GALNT18: variants seen among roughly 807,000 people sequenced by gnomAD.
The protein encoded by GALNT18 is GalNAc-transferase 18.
Under a neutral mutation model 69.5 loss-of-function variants are expected in GALNT18, and 44 were observed. The ratio of observed to expected loss-of-function variants is 0.63; its 90% CI spans 0.50 to 0.81. The LOEUF is 0.81. GALNT18 is among the 40% of genes least tolerant of loss of function. The pLI is 0.00. For missense variants in GALNT18, 715 were observed against 810.0 expected (o/e 0.88, Z 1.42); for synonymous variants, 364 against 318.2 (o/e 1.14, Z -1.53).
chr11:11,351,594 G>C (rs1850403715), intron 6 of GALNT18, among the ~76,000 whole-genome samples: 1 of 152,162 alleles, frequency 6.6e-6, no homozygotes, highest in African/African-American at 2.4e-5. Context: ...CAAACTCAGA[G>C]ACAGAAGTAT....
In GALNT18 at chr11:11,540,999, C is replaced by T. The variant is rs1033487693; in HGVS notation, c.235+80360G>A. 6.6e-6 allele frequency among the ~76,000 whole-genome samples: 1 copy of T among 152,168 alleles called. No individual in the cohort carries two copies. The highest frequency in any genetic ancestry group is 1.9e-4 in the East Asian group (1 of 5,196). On this transcript the variant is annotated intron_variant, in intron 1 of 10. Coordinates refer to ENST00000227756, the MANE Select transcript of GALNT18 (RefSeq NM_198516.3). The surrounding 1 kb of genome is among the most constrained non-coding windows in gnomAD (Gnocchi z 4.6). ...CTCTTTTCTTTGATGGTGGATACTT[C>T]GGAAAACAGAAATAGAATTACTTAA...
At chr11:11,611,717 G>T (rs1859906318) in intron 1 of GALNT18, among the ~76,000 whole-genome samples, 1 of 152,202 alleles carries the variant, frequency 6.6e-6, no homozygotes, top group Admixed American at 6.5e-5. Flanking sequence ...TCAGCCCGGT[G>T]CCTGGGACAT....
chr11:11,405,854 C>T (rs1015945160), intron 3 of GALNT18, among the ~76,000 whole-genome samples: 1 of 152,166 alleles, frequency 6.6e-6, no homozygotes, highest in Non-Finnish European at 1.5e-5. Flanking sequence ...GTGATCCTTC[C>T]ATGCTATGCC....
intron 3 of GALNT18, among the ~76,000 whole-genome samples, chr11:11,398,767 G>A (rs971048139): frequency 1.3e-5 from 2 of 152,318 alleles, no homozygotes; most frequent in Non-Finnish European, 2.9e-5. Flanking sequence ...AGAGGAAAAT[G>A]ATTATTTATA....
rs569693113 is a variant in GALNT18, at chr11:11,341,790, C to T, written c.1093-786G>A. On this transcript the variant is annotated intron_variant, in intron 6 of 10. Transcript: ENST00000227756. The surrounding 1 kb of genome is among the most constrained non-coding windows in gnomAD (Gnocchi z 6.3). ...TGGTAATTTTAGAATGCCCCACTGCCCCCAACTCCTTCTTCAGCTGAAAAA... is the reference window on the plus strand; with the variant it reads ...TGGTAATTTTAGAATGCCCCACTGCTCCCAACTCCTTCTTCAGCTGAAAAA... Among the ~76,000 whole-genome samples the T allele has an allele frequency of 6.6e-5, 10 of 152,126 alleles. No individual in the cohort carries two copies. Among genetic ancestry groups the T allele is most frequent in the South Asian group, 2.1e-4 (1 of 4,806 alleles).
At chr11:11,278,371 G>A (rs1419940257) in intron 10 of GALNT18, among the ~76,000 whole-genome samples, 1 of 151,418 alleles carries the variant, frequency 6.6e-6, no homozygotes, top group Non-Finnish European at 1.5e-5. Context: ...TTGGTGGGTG[G>A]GGGGCTGGGG....
intron 1 of GALNT18, among the ~76,000 whole-genome samples, chr11:11,489,059 A>T (rs1168038572): frequency 6.6e-6 from 1 of 152,254 alleles, no homozygotes; most frequent in East Asian, 1.9e-4. Context: ...ATCCAGGCAC[A>T]GTGAAGTGTG....
intron 7 of GALNT18, among the ~76,000 whole-genome samples, chr11:11,333,416 T>C (rs1414367218): frequency 6.6e-6 from 1 of 152,198 alleles, no homozygotes; most frequent in Non-Finnish European, 1.5e-5. Context: ...TAGCACTACA[T>C]AATCCTCCTT....
rs151072651 is a variant in GALNT18 at position 11,590,718 on chromosome 11, G to T, written c.235+30641C>A. ...AGAACACATATACAATGGTGGTCCC[G>T]TAAGATTACAATGGAGCCCAAAAAT... On this transcript the variant is annotated intron_variant, in intron 1 of 10. Coordinates refer to ENST00000227756, the MANE Select transcript of GALNT18 (RefSeq NM_198516.3). This position sits in a 1 kb window ranked among gnomAD's most constrained non-coding sequence, Gnocchi z 4.4. Among the ~76,000 whole-genome samples, 2 of 152,142 alleles carry T rather than the reference G, an allele frequency of 1.3e-5. No homozygotes were observed. The highest frequency in any genetic ancestry group is 4.8e-5 in the African/African-American group (2 of 41,428).
chr11:11,289,941 G>A (rs12417080), intron 10 of GALNT18, among the ~76,000 whole-genome samples: 7,294 of 152,264 alleles, frequency 0.048, 223 homozygotes, highest in Middle Eastern at 0.15. Context: ...CACAGGCAGA[G>A]GAGTCTGAAG....
intron 1 of GALNT18, among the ~76,000 whole-genome samples, chr11:11,492,745 G>A (rs535441111): frequency 3.3e-5 from 5 of 149,630 alleles, no homozygotes; most frequent in East Asian, 2.0e-4. Flanking sequence ...GGGGCCTTTC[G>A]GGGGGTGGGG....
intron 1 of GALNT18, among the ~76,000 whole-genome samples, chr11:11,611,692 G>A (rs1026328403): frequency 6.6e-6 from 1 of 152,178 alleles, no homozygotes; most frequent in African/African-American, 2.4e-5. Context: ...ACTATGCCAG[G>A]GCACAGGAAA....
At chr11:11,510,314 A>T (rs745787395) in intron 1 of GALNT18, among the ~76,000 whole-genome samples, 4 of 152,256 alleles carry the variant, frequency 2.6e-5, no homozygotes, top group Middle Eastern at 6.8e-3. Context: ...CTGTCTCAGT[A>T]TACTCTCCCA....
intron 1 of GALNT18, among the ~76,000 whole-genome samples, chr11:11,545,834 G>A (rs1456360170): frequency 2.6e-5 from 4 of 152,194 alleles, no homozygotes; most frequent in African/African-American, 4.8e-5. Flanking sequence ...TAAATGCAGT[G>A]CCCAAGGGAA....
At chr11:11,550,455 GTAA>G (rs1858161584) in intron 1 of GALNT18, among the ~76,000 whole-genome samples, 2 of 152,184 alleles carry the variant, frequency 1.3e-5, no homozygotes, top group African/African-American at 4.8e-5. Context: ...CCAGAACTGT[GTAA>G]CCCCCATCCT....
chr11:11,366,815 G>T (rs1055839364), intron 6 of GALNT18, among the ~76,000 whole-genome samples: 1 of 152,094 alleles, frequency 6.6e-6, no homozygotes, highest in Admixed American at 6.5e-5. Flanking sequence ...CTCATGCTCT[G>T]TAGAATAGCT....
At chr11:11,405,760 A>C (rs1050771219) in intron 3 of GALNT18, among the ~76,000 whole-genome samples, 29 of 152,234 alleles carry the variant, frequency 1.9e-4, no homozygotes, top group Non-Finnish European at 4.4e-5. Context: ...GAGCAAGTTC[A>C]CGTTTCCTGA....
chr11:11,474,609 G>T (rs1293012722), intron 1 of GALNT18, among the ~76,000 whole-genome samples: 1 of 152,166 alleles, frequency 6.6e-6, no homozygotes, highest in African/African-American at 2.4e-5. Flanking sequence ...TGGATATGGA[G>T]GGAAGTATTT....
intron 1 of GALNT18, among the ~76,000 whole-genome samples, chr11:11,569,745 AG>A (rs1858741542): frequency 6.6e-6 from 1 of 152,126 alleles, no homozygotes; most frequent in African/African-American, 2.4e-5. Context: ...GAGCAGGACT[AG>A]GGTTGACTAT....
Sources: gnomAD v4.1 joint callset for allele counts (sites outside exome capture counted in the v4.1 genomes callset) on GRCh38, gnomAD v4.1.1 for gene constraint, Gnocchi (gnomAD v3.1) non-coding constraint, MANE v1.5 for transcripts, NCBI Gene and HGNC (gene_info 2026-07-23, HGNC 2026-07-21) for gene names.